CFAP43: variants seen among roughly 807,000 people sequenced by gnomAD.
The protein encoded by CFAP43 is cilia- and flagella-associated protein 43.
In CFAP43, 155 loss-of-function variants were observed where a neutral mutation model predicts 218.9. The observed-to-expected ratio is 0.71, with a 90% CI of 0.62 to 0.81. The LOEUF is 0.81. Ranked by LOEUF, CFAP43 falls within the 30% of genes least tolerant of loss-of-function variation. The pLI is 0.00. For synonymous variants in CFAP43, 645 were observed against 681.3 expected, an observed-to-expected ratio of 0.95 and a Z score of 0.83; for missense variants, 1,778 against 1,954.3, an observed-to-expected ratio of 0.91 and a Z score of 1.70.
In CFAP43 at chr10:104,158,612, G is replaced by A. The variant is rs555914296; in HGVS notation, c.3540+2425C>T. 9.9e-5 allele frequency among the ~76,000 whole-genome samples: 15 copies of A among 152,244 alleles called. No homozygotes were observed. In the South Asian group the frequency reaches 3.1e-3, roughly 32 times the overall value. Reference sequence around the variant, plus strand: ...ACTAAAAGAACATTACAAACTAAGTGAAATTGATTAGATTTTTTGATAAAC... The same window carrying A: ...ACTAAAAGAACATTACAAACTAAGTAAAATTGATTAGATTTTTTGATAAAC... On this transcript the variant is annotated intron_variant, in intron 27 of 37. Transcript: ENST00000357060.
chr10:104,215,958 G>T (rs1163026889), intron 3 of CFAP43, among the ~76,000 whole-genome samples: 1 of 152,044 alleles, frequency 6.6e-6, no homozygotes, highest in Non-Finnish European at 1.5e-5. Flanking sequence ...TAGGGACATT[G>T]GTTTACTCAG....
At chr10:104,141,996 C>G (rs1212442023) in intron 33 of CFAP43, among the ~76,000 whole-genome samples, 2 of 152,164 alleles carry the variant, frequency 1.3e-5, no homozygotes, top group African/African-American at 4.8e-5. Context: ...TACTGAAAAA[C>G]AGGTTCTTTG....
chr10:104,214,549 T>C, intron 3 of CFAP43, 123 bp from the exon 4 acceptor site: 1 of 830,562 alleles, frequency 1.2e-6, no homozygotes, highest in Non-Finnish European at 1.8e-6. Flanking sequence ...ATATAATCAA[T>C]GACCTTAATG....
chr10:104,168,204 C>T (rs996972091), intron 21 of CFAP43, among the ~76,000 whole-genome samples: 2 of 152,156 alleles, frequency 1.3e-5, no homozygotes, highest in Non-Finnish European at 2.9e-5. Flanking sequence ...ATATCCATCA[C>T]ATAAAATGTA....
At chr10:104,142,675 A>G (rs576765746) in intron 32 of CFAP43, among the ~76,000 whole-genome samples, 3 of 152,180 alleles carry the variant, frequency 2.0e-5, no homozygotes, top group Admixed American at 1.3e-4. Flanking sequence ...AAGTGAAATT[A>G]TAGAATCCTA....
chr10:104,143,450 T>C lies in CFAP43; in HGVS notation c.4134A>G (p.Arg1378=), dbSNP rs201272158. 1.9e-6 allele frequency: 3 copies of C among 1,613,994 alleles called. No individual in the cohort carries two copies. The highest frequency in any genetic ancestry group is 2.7e-5 in the African/African-American group (2 of 74,942). Residue 1378 remains arginine (R), a synonymous_variant, in exon 32 of 38, where the codon CGA becomes CGG. Coordinates refer to ENST00000357060, the MANE Select transcript of CFAP43 (RefSeq NM_025145.7). The stretch of plus-strand genomic sequence containing the variant: ...CTTTCTGTTCATTTTCCACTTTTGC[T>C]CGTCTTGTCATGCAGAAATGATTCC... ...LVWNHFCMTR[R]AKVENEQKVK...
chr10:104,211,879 C>T, intron 5 of CFAP43, 128 bp downstream of exon 5: 1 of 1,079,640 alleles, frequency 9.3e-7, no homozygotes, highest in African/African-American at 1.6e-5. Context: ...TGTGGCTAAT[C>T]TATATTAAAA....
intron 8 of CFAP43, among the ~76,000 whole-genome samples, chr10:104,198,583 A>G (rs1160327558): frequency 6.6e-6 from 1 of 151,502 alleles, no homozygotes; most frequent in Non-Finnish European, 1.5e-5. Flanking sequence ...GCCTGGCCTC[A>G]TAAATAACCA....
In CFAP43 at chr10:104,207,724, A is replaced by G; in HGVS notation, c.836T>C (p.Ile279Thr). 4 of 1,614,186 alleles carry G rather than the reference A, an allele frequency of 2.5e-6. No individual in the cohort carries two copies. Among genetic ancestry groups the G allele is most frequent in the Non-Finnish European group, 3.4e-6 (4 of 1,180,014 alleles). ...AGTCACTTGCAAGGTGTCTCCATTA[A>G]TCATTAAAAGATGACCCTCTTCACA... Reference protein sequence around the residue: ...IGCEEGHLLMINGDTLQVTVL... With the variant: ...IGCEEGHLLMTNGDTLQVTVL... The change falls in exon 6 of 38, where the codon ATT (isoleucine) becomes ACT (threonine). Residue 279 changes from isoleucine to threonine, a missense_variant. Physicochemically the swap from Ile to Thr is moderately conservative, Grantham distance 89. Transcript: ENST00000357060.
At chr10:104,177,961 A>T (rs1238966087) in intron 19 of CFAP43, among the ~76,000 whole-genome samples, 1 of 152,218 alleles carries the variant, frequency 6.6e-6, no homozygotes, top group Non-Finnish European at 1.5e-5. Context: ...AACAGAGCCA[A>T]AGCATCTGAC....
chr10:104,214,471 T>C (rs771856394), intron 3 of CFAP43, 45 bp from the exon 4 acceptor site: 1 of 1,471,496 alleles, frequency 6.8e-7, no homozygotes, highest in Non-Finnish European at 9.2e-7. Context: ...CATTTGAATT[T>C]CATGTATTTA....
rs768947261 is a variant in CFAP43, at chr10:104,140,991, CT to C, written c.4281del (p.Glu1428ArgfsTer3). 1 of 1,610,368 alleles carries C rather than the reference CT, an allele frequency of 6.2e-7. No individual in the cohort carries two copies. Among genetic ancestry groups the C allele is most frequent in the South Asian group, 1.1e-5 (1 of 90,220 alleles). ...AAATTCAACTGGAATCTCACTTTCT[CT>C]TCCTGTAATCTGAATTGAAAAGTAC... Reference protein sequence around the residue: ...RVFHELILLQEEKVRFQLNLT... With the variant: ...RVFHELILLQXEKVRFQLNLT... On this transcript the variant is annotated frameshift_variant, in exon 34 of 38. Transcript: ENST00000357060. LOFTEE classifies it high-confidence loss of function.
intron 3 of CFAP43, among the ~76,000 whole-genome samples, chr10:104,219,825 T>G (rs1027885681): frequency 2.0e-5 from 3 of 152,204 alleles, no homozygotes; most frequent in Non-Finnish European, 4.4e-5. Flanking sequence ...GCTGTGCTTT[T>G]TCTACTTCAT....
In CFAP43 at chr10:104,198,043, T is replaced by C; in HGVS notation, c.1096-5A>G. 6.6e-7 allele frequency: 1 copy of C among 1,514,646 alleles called. No individual in the cohort carries two copies. Among genetic ancestry groups the C allele is most frequent in the Non-Finnish European group, 9.1e-7 (1 of 1,094,934 alleles). 93.8% of individuals were successfully genotyped at this position (1,514,646 alleles called of 1,614,324 possible). On this transcript the variant is annotated splice_region_variant and splice_polypyrimidine_tract_variant and intron_variant, in intron 8 of 37. Coordinates refer to ENST00000357060, the MANE Select transcript of CFAP43 (RefSeq NM_025145.7). ...AGTGTAGATATAAACAGATCCCTGA[T>C]AAACATACAAAAGAAAAGAAACACA...
chr10:104,177,280 A>T (rs2089665190), intron 19 of CFAP43, among the ~76,000 whole-genome samples: 1 of 152,162 alleles, frequency 6.6e-6, no homozygotes, highest in African/African-American at 2.4e-5. Context: ...GCAACACATG[A>T]TAAAGCATTA....
At chr10:104,166,789 A>G (rs2089179192) in intron 22 of CFAP43, 71 bp from the exon 23 acceptor site, 2 of 1,308,706 alleles carry the variant, frequency 1.5e-6, no homozygotes, top group Admixed American at 4.6e-5. Context: ...TTTTGTGACA[A>G]CTTAATTATT....
chr10:104,199,785 G>T (rs1430926711), intron 8 of CFAP43, among the ~76,000 whole-genome samples: 1 of 137,358 alleles, frequency 7.3e-6, no homozygotes, highest in African/African-American at 2.7e-5. Flanking sequence ...GAGTGGTTAA[G>T]TTAAATATTA....
intron 16 of CFAP43, among the ~76,000 whole-genome samples, chr10:104,183,556 A>G (rs1157992085): frequency 6.6e-6 from 1 of 151,774 alleles, no homozygotes. Flanking sequence ...CGCCCGGCTA[A>G]TTTTTTGTAT....
intron 3 of CFAP43, among the ~76,000 whole-genome samples, chr10:104,215,521 A>T (rs1257062409): frequency 2.0e-5 from 3 of 152,098 alleles, no homozygotes; most frequent in African/African-American, 7.2e-5. Context: ...TCATCCCTGG[A>T]TGGAGACAAC....
Sources: allele counts gnomAD v4.1 joint callset (sites outside exome capture counted in the v4.1 genomes callset), GRCh38; gene constraint gnomAD v4.1.1; transcripts MANE v1.5; gene names NCBI Gene and HGNC (gene_info 2026-07-23, HGNC 2026-07-21).